Variants in AGBL1 observed in about 807,000 individuals in gnomAD.
The protein encoded by AGBL1 is cytosolic carboxypeptidase 4.
AGBL1 carries 130 observed loss-of-function variants against 118.9 expected under a neutral mutation model. That is an observed-to-expected ratio of 1.09 (90% CI 0.95 to 1.26). The LOEUF (loss-of-function observed/expected upper bound fraction) is 1.26, where lower values mean the gene tolerates loss of function less well. AGBL1 is among the 50% of genes most tolerant of loss of function. AGBL1 has a pLI of 0.00. For missense variants in AGBL1, 1,584 were observed against 1,298.1 expected (o/e 1.22, Z -3.38); for synonymous variants, 555 against 478.9 (o/e 1.16, Z -2.08).
chr15:86,107,802 G>A (rs1897138602), intron 1 of AGBL1: 1 of 152,282 alleles, frequency 6.6e-6, no homozygotes, highest in African/African-American at 2.4e-5. Context: ...TTCATGGATT[G>A]GAAAACAGGG....
chr15:86,582,818 A>C (rs1412320955), intron 21 of AGBL1, among the ~76,000 whole-genome samples: 1 of 144,520 alleles, frequency 6.9e-6, no homozygotes, highest in African/African-American at 2.5e-5. Flanking sequence ...CAATGAGAAC[A>C]CATGGACACA....
At chr15:86,918,267 A>C (rs565414709), downstream of AGBL1, among the ~76,000 whole-genome samples, 1 of 152,346 alleles carries the variant, frequency 6.6e-6, no homozygotes, top group African/African-American at 2.4e-5. Context: ...AAAGAAACAA[A>C]GTCTGGGAGA....
chr15:86,894,737 C>T (rs1204608940), intron 22 of AGBL1, among the ~76,000 whole-genome samples: 1 of 152,122 alleles, frequency 6.6e-6, no homozygotes, highest in Non-Finnish European at 1.5e-5. Context: ...TTACCACTGC[C>T]AGTCATATTA....
At chr15:86,566,639 T>C (rs1211414621) in intron 21 of AGBL1, among the ~76,000 whole-genome samples, 1 of 152,104 alleles carries the variant, frequency 6.6e-6, no homozygotes, top group Non-Finnish European at 1.5e-5. Flanking sequence ...TCTTTGGACT[T>C]GCGCAGCCCA....
At chr15:86,229,726 AT>A (rs1395277589) in intron 6 of AGBL1, among the ~76,000 whole-genome samples, 1 of 152,016 alleles carries the variant, frequency 6.6e-6, no homozygotes. Flanking sequence ...TTTTTGAAAA[AT>A]TGTGACCCTG....
intron 17 of AGBL1, among the ~76,000 whole-genome samples, chr15:86,361,266 C>A (rs554481394): frequency 1.3e-5 from 2 of 151,956 alleles, no homozygotes; most frequent in South Asian, 4.1e-4. Flanking sequence ...CATTTTCTTA[C>A]TGTTACTGAT....
chr15:86,870,899 C>G (rs921249922), intron 22 of AGBL1, among the ~76,000 whole-genome samples: 8 of 152,146 alleles, frequency 5.3e-5, no homozygotes, highest in African/African-American at 1.9e-4. Flanking sequence ...ATTTTCCAAA[C>G]AAAATTTTAG....
chr15:86,268,064 C>A (rs112502742), intron 13 of AGBL1, among the ~76,000 whole-genome samples: 9 of 152,184 alleles, frequency 5.9e-5, no homozygotes, highest in African/African-American at 2.2e-4. Flanking sequence ...TAGTACCTGG[C>A]GCATGGTCAG....
intron 18 of AGBL1, among the ~76,000 whole-genome samples, chr15:86,469,515 C>G (rs775814640): frequency 7.9e-5 from 12 of 152,050 alleles, no homozygotes; most frequent in Non-Finnish European, 1.8e-4. Context: ...TGTATCCTGG[C>G]TATTGTGAGT....
intron 18 of AGBL1, among the ~76,000 whole-genome samples, chr15:86,418,403 G>T (rs923105023): frequency 6.6e-6 from 1 of 152,112 alleles, no homozygotes; most frequent in Non-Finnish European, 1.5e-5. Context: ...CTAATAACCT[G>T]TCAAAGTGTG....
intron 2 of AGBL1, among the ~76,000 whole-genome samples, chr15:86,142,343 G>A (rs2076975183): frequency 1.3e-5 from 2 of 152,146 alleles, no homozygotes; most frequent in Admixed American, 6.5e-5. Context: ...CGCCCTGCTC[G>A]CTTCCATTGT....
rs545179759 is a variant in AGBL1, at chr15:86,969,703, T to C, written c.3222-18284T>C. 2.8e-4 allele frequency among the ~76,000 whole-genome samples: 43 copies of C among 152,102 alleles called. No homozygotes were observed. The South Asian group carries it at 7.9e-3, about 28-fold the overall frequency. ...GATGTACATATATATCTGCAGATAT[T>C]TGTTGGTTGAATTTGCATAGATTTC... On this transcript the variant is annotated intron_variant, in intron 23 of 24. Transcript: ENST00000441037.
At chr15:86,823,934 T>C (rs1465186608) in intron 22 of AGBL1, among the ~76,000 whole-genome samples, 1 of 151,966 alleles carries the variant, frequency 6.6e-6, no homozygotes, top group Non-Finnish European at 1.5e-5. Flanking sequence ...ACCTCAACAA[T>C]AAAAGGCATC....
At chr15:86,438,751 T>C (rs1036536860) in intron 18 of AGBL1, among the ~76,000 whole-genome samples, 1 of 151,118 alleles carries the variant, frequency 6.6e-6, no homozygotes, top group Admixed American at 6.6e-5. Context: ...AACCTCTGTC[T>C]CCTGGGTCCA....
chr15:86,141,168 A>G (rs551971673), intron 1 of AGBL1, among the ~76,000 whole-genome samples: 10 of 152,314 alleles, frequency 6.6e-5, no homozygotes, highest in African/African-American at 2.2e-4. Flanking sequence ...CTGTCTCTGA[A>G]TTCAGGGTTC....
At chr15:86,616,052 A>T (rs1036766560) in intron 21 of AGBL1, among the ~76,000 whole-genome samples, 16 of 152,238 alleles carry the variant, frequency 1.1e-4, no homozygotes, top group Admixed American at 9.8e-4. Flanking sequence ...TAAAATGAAG[A>T]TGGGCCAGGA....
chr15:86,216,229 C>CATTTATTTATTT lies in AGBL1; in HGVS notation c.489-8669_489-8658dup, dbSNP rs56843379. On this transcript the variant is annotated intron_variant, in intron 5 of 22. Transcript: ENST00000614907. ...ATTTCTTATTTTCCAAACTACATGC[C>CATTTATTTATTT]ATTTATTTATTTATTTATTTATTTA... Among the ~76,000 whole-genome samples, 949 of 150,668 alleles carry CATTTATTTATTT rather than the reference C, an allele frequency of 6.3e-3. 4 individuals carry two copies. The highest frequency in any genetic ancestry group is 0.016 in the African/African-American group (640 of 41,024).
intron 22 of AGBL1, among the ~76,000 whole-genome samples, chr15:86,894,835 A>G (rs1313419736): frequency 6.6e-6 from 1 of 152,198 alleles, no homozygotes; most frequent in African/African-American, 2.4e-5. Context: ...TTCTCAAGGA[A>G]GATTTCAAAG....
chr15:86,731,633 G>A (rs958540193), intron 22 of AGBL1, among the ~76,000 whole-genome samples: 6 of 152,166 alleles, frequency 3.9e-5, no homozygotes, highest in Admixed American at 3.3e-4. Context: ...AGACTTGAAA[G>A]CCAACAAGAT....
Sources: gnomAD v4.1 joint callset for allele counts (sites outside exome capture counted in the v4.1 genomes callset) on GRCh38, gnomAD v4.1.1 for gene constraint, MANE v1.5 for transcripts, NCBI Gene and HGNC (gene_info 2026-07-23, HGNC 2026-07-21) for gene names.